The following TTC7B variants were observed in gnomAD, a reference collection of about 807,000 sequenced individuals.
TTC7B encodes the protein tetratricopeptide repeat domain 7B.
In TTC7B, 28 loss-of-function variants were observed where a neutral mutation model predicts 106.8. The observed-to-expected ratio is 0.26, with a 90% CI of 0.19 to 0.36. The LOEUF (loss-of-function observed/expected upper bound fraction) is 0.36, where lower values mean the gene tolerates loss of function less well. TTC7B is among the 10% of genes least tolerant of loss of function. The pLI, the probability that TTC7B is intolerant of heterozygous loss-of-function variation, is 1.00. For synonymous variants in TTC7B, 405 were observed against 430.6 expected, an observed-to-expected ratio of 0.94 and a Z score of 0.74; for missense variants, 862 against 1,076.4, an observed-to-expected ratio of 0.80 and a Z score of 2.79.
At chr14:90,595,103 G>A (rs559901214) in intron 17 of TTC7B, among the ~76,000 whole-genome samples, 3 of 152,338 alleles carry the variant, frequency 2.0e-5, no homozygotes, top group East Asian at 3.9e-4. Flanking sequence ...GGAGGCCGAG[G>A]CGGGCAGATC....
chr14:90,579,918 CAG>C (rs1360624311), intron 18 of TTC7B, among the ~76,000 whole-genome samples: 3 of 152,264 alleles, frequency 2.0e-5, no homozygotes, highest in African/African-American at 7.2e-5. Flanking sequence ...CTCAATTATG[CAG>C]AGACTCCCCT....
chr14:90,790,700 C>G (rs1266145615), intron 1 of TTC7B, among the ~76,000 whole-genome samples: 1 of 152,078 alleles, frequency 6.6e-6, no homozygotes, highest in Non-Finnish European at 1.5e-5. Context: ...GATCAGGACC[C>G]CTGCTACCTA....
intron 5 of TTC7B, among the ~76,000 whole-genome samples, chr14:90,723,044 T>C (rs968424511): frequency 3.3e-5 from 5 of 152,242 alleles, no homozygotes; most frequent in African/African-American, 1.2e-4. Flanking sequence ...ACCCGTCTTC[T>C]GGTCATGTTG....
chr14:90,575,793 G>A lies in TTC7B; in HGVS notation c.2310+2313C>T, dbSNP rs1029318663. On this transcript the variant is annotated intron_variant, in intron 19 of 19. Transcript: ENST00000328459. The surrounding 1 kb of genome is among the most constrained non-coding windows in gnomAD (Gnocchi z 5.2). Reference sequence around the variant, plus strand: ...CTAAACTCCTCAAATCTGTAGTCTCGCTCTTCTCATCCTGCCTCCAATCTG... The same window carrying A: ...CTAAACTCCTCAAATCTGTAGTCTCACTCTTCTCATCCTGCCTCCAATCTG... Among the ~76,000 whole-genome samples the A allele has an allele frequency of 1.3e-5, 2 of 152,286 alleles. No homozygotes were observed. The highest frequency in any genetic ancestry group is 4.8e-5 in the African/African-American group (2 of 41,548).
intron 3 of TTC7B, among the ~76,000 whole-genome samples, chr14:90,774,603 A>G (rs8013195): frequency 0.28 from 42,075 of 152,076 alleles, 9,647 homozygotes; most frequent in African/African-American, 0.64. Context: ...ATCTGGCTGG[A>G]GCTGGGCAGA....
intron 1 of TTC7B, among the ~76,000 whole-genome samples, chr14:90,800,648 A>G (rs2140055713): frequency 6.6e-6 from 1 of 152,108 alleles, no homozygotes; most frequent in East Asian, 1.9e-4. Context: ...TGTCTCTACT[A>G]AAAATACAAA....
intron 1 of TTC7B, among the ~76,000 whole-genome samples, chr14:90,803,775 T>G (rs2030420768): frequency 6.6e-6 from 1 of 151,500 alleles, no homozygotes; most frequent in Non-Finnish European, 1.5e-5. Flanking sequence ...AAGACAATCC[T>G]TCCGCTACAC....
intron 5 of TTC7B, among the ~76,000 whole-genome samples, chr14:90,696,489 G>T (rs1016855269): frequency 6.6e-6 from 1 of 152,146 alleles, no homozygotes; most frequent in South Asian, 2.1e-4. Flanking sequence ...CAGTGCAAAC[G>T]TGTCAGCCAG....
intron 6 of TTC7B, among the ~76,000 whole-genome samples, chr14:90,695,064 TTATAAA>T: frequency 3.3e-5 from 4 of 121,102 alleles, no homozygotes; most frequent in South Asian, 2.5e-4. Flanking sequence ...TTTTATTTTA[TTATAAA>T]ATATATTTTA....
intron 19 of TTC7B, among the ~76,000 whole-genome samples, chr14:90,545,674 C>A (rs1889799671): frequency 6.6e-6 from 1 of 152,228 alleles, no homozygotes; most frequent in Non-Finnish European, 1.5e-5. Context: ...ACCCACCAGT[C>A]CCTTCCTGCT....
chr14:90,542,091 C>T (rs1367164450), intron 19 of TTC7B, among the ~76,000 whole-genome samples: 9 of 152,152 alleles, frequency 5.9e-5, no homozygotes, highest in Non-Finnish European at 1.0e-4. Context: ...AGGCGCCCGC[C>T]ACCACGCCCG....
intron 18 of TTC7B, among the ~76,000 whole-genome samples, chr14:90,585,270 G>A (rs1017578015): frequency 1.3e-5 from 2 of 152,144 alleles, no homozygotes; most frequent in African/African-American, 4.8e-5. Context: ...CAGGGGCTCC[G>A]TGGCACAGCA....
chr14:90,542,541 G>A (rs1889647764), intron 19 of TTC7B, among the ~76,000 whole-genome samples: 1 of 152,198 alleles, frequency 6.6e-6, no homozygotes, highest in Admixed American at 6.5e-5. Context: ...GGAGAAACAT[G>A]TAGGTCACAT....
chr14:90,737,156 G>C (rs929952105), intron 4 of TTC7B, among the ~76,000 whole-genome samples: 1 of 152,114 alleles, frequency 6.6e-6, no homozygotes, highest in African/African-American at 2.4e-5. Flanking sequence ...TTATGACATA[G>C]TTTATTCAAA....
intron 1 of TTC7B, among the ~76,000 whole-genome samples, chr14:90,810,266 T>A (rs2030826644): frequency 1.3e-5 from 2 of 152,116 alleles, no homozygotes; most frequent in South Asian, 4.1e-4. Flanking sequence ...CCAGTAAACA[T>A]AACATGTTTC....
chr14:90,655,511 C>G (rs918405240), intron 11 of TTC7B, among the ~76,000 whole-genome samples: 2 of 152,180 alleles, frequency 1.3e-5, no homozygotes, highest in Non-Finnish European at 2.9e-5. Context: ...CTTTCCCCCC[C>G]TACCCAGGAT....
Position 90,533,557 on chromosome 14 carries a change from C to T in TTC7B, c.*7811G>A, listed in dbSNP as rs1889337224. 1 of 152,270 alleles carries T rather than the reference C, an allele frequency of 6.6e-6. No homozygotes were observed. Among genetic ancestry groups the T allele is most frequent in the Non-Finnish European group, 1.5e-5 (1 of 68,110 alleles). The allele number at this position is 152,270 out of a possible 1,614,324, so 9.4% of individuals were successfully genotyped here. On this transcript the variant is annotated 3_prime_UTR_variant, in exon 20 of 20. Coordinates refer to ENST00000328459, the MANE Select transcript of TTC7B (RefSeq NM_001010854.2). Reference sequence around the variant, plus strand: ...CCAGGTTGACCTCTGTTAATATCCCCAAAAGCCCGTAAGGGAAGTTACTCC... The same window carrying T: ...CCAGGTTGACCTCTGTTAATATCCCTAAAAGCCCGTAAGGGAAGTTACTCC...
intron 18 of TTC7B, among the ~76,000 whole-genome samples, chr14:90,579,907 C>T (rs541372738): frequency 5.3e-5 from 8 of 152,380 alleles, no homozygotes; most frequent in African/African-American, 1.4e-4. Flanking sequence ...TTGGAAACTG[C>T]CTCAATTATG....
chr14:90,621,087 G>A (rs1884142221), intron 15 of TTC7B, among the ~76,000 whole-genome samples: 1 of 148,928 alleles, frequency 6.7e-6, no homozygotes, highest in African/African-American at 2.6e-5. Context: ...GGATGATGGG[G>A]CAGAGGCCAC....
Sources: allele counts gnomAD v4.1 joint callset (sites outside exome capture counted in the v4.1 genomes callset), GRCh38; gene constraint gnomAD v4.1.1; non-coding constraint Gnocchi (gnomAD v3.1); transcripts MANE v1.5; gene names NCBI Gene and HGNC (gene_info 2026-07-23, HGNC 2026-07-21).